The following UTP20 variants were observed in gnomAD, a reference collection of about 807,000 sequenced individuals.
UTP20 encodes the protein small subunit processome component 20 homolog.
UTP20 carries 164 observed loss-of-function variants against 329.5 expected under a neutral mutation model. That is an observed-to-expected ratio of 0.50 (90% CI 0.44 to 0.57). The LOEUF is 0.57. Ranked by LOEUF, UTP20 falls within the 20% of genes least tolerant of loss-of-function variation. The pLI is 0.00. For synonymous variants in UTP20, 1,151 were observed against 1,159.3 expected, an observed-to-expected ratio of 0.99 and a Z score of 0.14; for missense variants, 3,055 against 3,284.2, an observed-to-expected ratio of 0.93 and a Z score of 1.71.
In UTP20 at chr12:101,365,537, G is replaced by A; in HGVS notation, c.6037G>A (p.Val2013Ile). 1.2e-6 allele frequency: 2 copies of A among 1,613,070 alleles called. No individual in the cohort carries two copies. Among genetic ancestry groups the A allele is most frequent in the Non-Finnish European group, 1.7e-6 (2 of 1,179,684 alleles). Residue 2013 changes from valine to isoleucine, a missense_variant, in exon 46 of 62, where the codon GTA becomes ATA. Transcript: ENST00000261637. Reference protein sequence around the residue: ...TLRRITVGLIVNQEMTAESIL... With the variant: ...TLRRITVGLIINQEMTAESIL... Reference sequence around the variant, plus strand: ...ACGCCGAATCACAGTGGGATTAATTGTAAATCAGGAAATGACAGCTGAATC... The same window carrying A: ...ACGCCGAATCACAGTGGGATTAATTATAAATCAGGAAATGACAGCTGAATC...
At chr12:101,358,292 G>A (rs566256605) in intron 43 of UTP20, among the ~76,000 whole-genome samples, 23 of 152,306 alleles carry the variant, frequency 1.5e-4, no homozygotes, top group African/African-American at 5.1e-4. Context: ...ATATCACCCT[G>A]TATGGCCCTT....
At chr12:101,343,236 T>C (rs765817391) in intron 35 of UTP20, 143 bp downstream of exon 35, 2 of 550,894 alleles carry the variant, frequency 3.6e-6, no homozygotes, top group Non-Finnish European at 6.2e-6. Flanking sequence ...ATGAAGAATC[T>C]TATGTCTGGC....
At chr12:101,305,622 T>G (rs538267238) in intron 15 of UTP20, among the ~76,000 whole-genome samples, 1 of 148,194 alleles carries the variant, frequency 6.7e-6, no homozygotes, top group East Asian at 2.0e-4. Flanking sequence ...TATATATATA[T>G]ATATATAAGT....
At chr12:101,382,868 A>G (rs55823952) in intron 58 of UTP20, among the ~76,000 whole-genome samples, 173 bp from the exon 59 acceptor site, 28,563 of 149,868 alleles carry the variant, frequency 0.19, 3,135 homozygotes, top group East Asian at 0.37. Flanking sequence ...AAAAAAAAAA[A>G]GGAATATCTA....
At chr12:101,349,522 T>A (rs1869447812) in intron 38 of UTP20, among the ~76,000 whole-genome samples, 1 of 152,008 alleles carries the variant, frequency 6.6e-6, no homozygotes, top group Non-Finnish European at 1.5e-5. Context: ...TACTGCAACC[T>A]CTGTCTCTCA....
intron 21 of UTP20, 64 bp from the exon 22 acceptor site, chr12:101,317,414 A>G: frequency 3.9e-6 from 6 of 1,554,938 alleles, no homozygotes; most frequent in Non-Finnish European, 5.3e-6. Context: ...CATGAACAGA[A>G]TCAGCACCTT....
chr12:101,340,940 T>C (rs1869106874), intron 32 of UTP20, among the ~76,000 whole-genome samples: 2 of 4,450 alleles, frequency 4.5e-4, no homozygotes, highest in South Asian at 0.012. Context: ...GTGTAATCTT[T>C]TTTTTTTTTT....
chr12:101,286,025 C>T lies in UTP20; in HGVS notation c.326+144C>T, dbSNP rs570981408. The T allele has an allele frequency of 1.0e-4, 124 of 1,198,192 alleles. No homozygotes were observed. In the African/African-American group the frequency reaches 1.6e-3, roughly 15 times the overall value. The allele number at this position is 1,198,192 out of a possible 1,614,324, so 74.2% of individuals were successfully genotyped here. ...TTTCCTTTTCTGTTAGGAATAAGTG[C>T]ATTACCATAAAGTGGAATCTTGGGG... On this transcript the variant is annotated intron_variant, in intron 4 of 61. Transcript: ENST00000261637.
chr12:101,332,352 G>A (rs1449469427), intron 27 of UTP20, among the ~76,000 whole-genome samples: 3 of 152,062 alleles, frequency 2.0e-5, no homozygotes, highest in African/African-American at 7.3e-5. Flanking sequence ...AGAAAAAAAA[G>A]AAATGTCTTT....
chr12:101,380,813 G>A (rs958251075), intron 57 of UTP20, among the ~76,000 whole-genome samples: 5 of 146,990 alleles, frequency 3.4e-5, no homozygotes, highest in South Asian at 2.2e-4. Flanking sequence ...GCAGTGAGCC[G>A]AGATCACTCC....
At chr12:101,374,269 A>T (rs1870401959) in intron 54 of UTP20, among the ~76,000 whole-genome samples, 1 of 152,126 alleles carries the variant, frequency 6.6e-6, no homozygotes, top group Non-Finnish European at 1.5e-5. Flanking sequence ...GTAATATAAA[A>T]ATCACCCGTA....
Position 101,317,492 on chromosome 12 carries a change from C to T in UTP20, c.2567C>T (p.Pro856Leu), listed in dbSNP as rs148068961. 57 of 1,614,004 alleles carry T rather than the reference C, an allele frequency of 3.5e-5. 1 individual carries two copies. In the African/African-American group the frequency reaches 6.9e-4, roughly 20 times the overall value. The change falls in exon 22 of 62, where the codon CCA (proline) becomes CTA (leucine). Residue 856 changes from proline (P) to leucine (L), a missense_variant. Transcript: ENST00000261637. ...FLRFINNEYYPADLQVAPTQD... is the reference protein window; with the variant it reads ...FLRFINNEYYLADLQVAPTQD... ...TTCCACGGTAGCAATGAGTATTACC[C>T]AGCAGATCTGCAAGTTGCTCCAACC...
At chr12:101,381,288 T>C in intron 58 of UTP20, 77 bp downstream of exon 58, 1 of 1,316,766 alleles carries the variant, frequency 7.6e-7, no homozygotes. Flanking sequence ...TCCCAGCACT[T>C]TGAGAGGCCG....
chr12:101,373,519 C>A, intron 53 of UTP20, 49 bp downstream of exon 53: 1 of 1,613,660 alleles, frequency 6.2e-7, no homozygotes, highest in Non-Finnish European at 8.5e-7. Flanking sequence ...AGTCCTCAGT[C>A]CCCCTTTGCT....
In UTP20 at chr12:101,383,662, A is replaced by C. The variant is rs1450744136; in HGVS notation, c.8049A>C (p.Ser2683=). Residue 2683 remains serine, a synonymous_variant, in exon 60 of 62, where the codon TCA becomes TCC. Transcript: ENST00000261637. ...TTCGGGAACTCAACAGCACCTATTC[A>C]GAGCAAGGTAACCCTGCCTCGTCTG... ...PLFRELNSTY[S]EQDPLLKNLS... is the part of the protein sequence containing the mutation. 1 of 1,604,064 alleles carries C rather than the reference A, an allele frequency of 6.2e-7. No individual in the cohort carries two copies. Among genetic ancestry groups the C allele is most frequent in the Admixed American group, 1.7e-5 (1 of 59,098 alleles).
rs1255736818 is a variant in UTP20 at position 101,361,971 on chromosome 12, C to G, written c.5701C>G (p.Leu1901Val). 2 of 1,613,398 alleles carry G rather than the reference C, an allele frequency of 1.2e-6. No homozygotes were observed. The highest frequency in any genetic ancestry group is 1.7e-6 in the Non-Finnish European group (2 of 1,179,516). The change falls in exon 44 of 62, where the codon CTG becomes GTG. Residue 1901 changes from leucine (L) to valine (V), a missense_variant. Coordinates refer to ENST00000261637, the MANE Select transcript of UTP20 (RefSeq NM_014503.3). ...GTGTGTCTCATGTTAGGTCCATGTG[C>G]TGACTTTCACCGTTCACATGCTGCT... ...TLVRGYQVHV[L>V]TFTVHMLLQG...
intron 47 of UTP20, among the ~76,000 whole-genome samples, 173 bp from the exon 48 acceptor site, chr12:101,367,687 C>T (rs755200730): frequency 1.3e-5 from 2 of 152,230 alleles, no homozygotes; most frequent in Admixed American, 6.5e-5. Context: ...CGAGCTCTCA[C>T]TTTGACTTAC....
chr12:101,370,670 A>G (rs999114202), intron 50 of UTP20, 107 bp downstream of exon 50: 9 of 1,192,832 alleles, frequency 7.5e-6, no homozygotes, highest in Non-Finnish European at 1.0e-5. Flanking sequence ...TCTGAAATTG[A>G]GTAATTTGTA....
rs371378555 is a variant in UTP20, at chr12:101,379,466, G to A, written c.7492G>A (p.Glu2498Lys). 144 of 1,614,070 alleles carry A rather than the reference G, an allele frequency of 8.9e-5. 2 individuals are homozygous for A. Among genetic ancestry groups the A allele is most frequent in the Middle Eastern group, 6.6e-4 (4 of 6,062 alleles). The change falls in exon 57 of 62, where the codon GAG (glutamate) becomes AAG (lysine). Residue 2498 changes from glutamate (E) to lysine (K), a missense_variant. Transcript: ENST00000261637. ...ACTCTTTGCCTCTTGCCAGCCAGAG[G>A]AGCTTATTCAAAAATGGAATACCAA... ...GLLFASCQPE[E>K]LIQKWNTKKT...
Sources: allele counts gnomAD v4.1 joint callset (sites outside exome capture counted in the v4.1 genomes callset), GRCh38; gene constraint gnomAD v4.1.1; transcripts MANE v1.5; gene names NCBI Gene and HGNC (gene_info 2026-07-23, HGNC 2026-07-21).